The following CCAR1 variants were observed in gnomAD, a reference collection of about 807,000 sequenced individuals.
The protein encoded by CCAR1 is cell division cycle and apoptosis regulator 1.
Under a neutral mutation model 163.8 loss-of-function variants are expected in CCAR1, and 78 were observed. That is an observed-to-expected ratio of 0.48 (90% CI 0.40 to 0.57). The LOEUF is 0.57. CCAR1 is among the 20% of genes least tolerant of loss of function. The pLI, the probability that CCAR1 is intolerant of heterozygous loss-of-function variation, is 0.00. For synonymous variants in CCAR1, 443 were observed against 460.7 expected, an observed-to-expected ratio of 0.96 and a Z score of 0.49; for missense variants, 1,019 against 1,365.2, an observed-to-expected ratio of 0.75 and a Z score of 4.00.
chr10:68,737,104 A>G, intron 3 of CCAR1, 56 bp downstream of exon 3: 1 of 1,221,518 alleles, frequency 8.2e-7, no homozygotes, highest in Non-Finnish European at 1.2e-6. Flanking sequence ...AAATCTGAGT[A>G]GCTAGCATTG....
chr10:68,781,737 A>C (rs774324928), intron 19 of CCAR1, among the ~76,000 whole-genome samples: 7 of 151,812 alleles, frequency 4.6e-5, no homozygotes, highest in Non-Finnish European at 1.0e-4. Context: ...GTGGTCCCAG[A>C]TACTTTTAGA....
chr10:68,727,268 G>C (rs758810929), intron 2 of CCAR1, among the ~76,000 whole-genome samples: 3 of 151,634 alleles, frequency 2.0e-5, no homozygotes, highest in Non-Finnish European at 2.9e-5. Flanking sequence ...GTAAACATGG[G>C]GTTTTGCCAT....
intron 2 of CCAR1, among the ~76,000 whole-genome samples, chr10:68,728,094 C>T (rs2055974690): frequency 2.0e-5 from 3 of 152,140 alleles, no homozygotes; most frequent in Admixed American, 1.3e-4. Context: ...GCCTTGGCCT[C>T]CCAAAATGCT....
intron 24 of CCAR1, among the ~76,000 whole-genome samples, chr10:68,790,651 C>T (rs890244116): frequency 2.0e-5 from 3 of 151,980 alleles, no homozygotes; most frequent in Non-Finnish European, 2.9e-5. Context: ...ACCTCAGCCT[C>T]CTGATGAGCT....
intron 3 of CCAR1, among the ~76,000 whole-genome samples, chr10:68,737,321 G>A (rs1043803829): frequency 2.0e-5 from 3 of 151,912 alleles, no homozygotes; most frequent in Non-Finnish European, 2.9e-5. Flanking sequence ...CCTGTGCAAC[G>A]TGGTGAGACA....
intron 24 of CCAR1, among the ~76,000 whole-genome samples, chr10:68,790,630 G>A (rs1273108759): frequency 6.6e-6 from 1 of 151,868 alleles, no homozygotes; most frequent in Non-Finnish European, 1.5e-5. Flanking sequence ...CTAGGCTCAC[G>A]TGATCCTCCC....
chr10:68,730,390 T>G (rs966264430), intron 2 of CCAR1, among the ~76,000 whole-genome samples: 4 of 151,342 alleles, frequency 2.6e-5, no homozygotes, highest in African/African-American at 9.7e-5. Context: ...CAGGCTGGAG[T>G]GCAATGGCAG....
intron 2 of CCAR1, among the ~76,000 whole-genome samples, chr10:68,722,969 A>G (rs563474914): frequency 6.6e-6 from 1 of 152,130 alleles, no homozygotes; most frequent in Non-Finnish European, 1.5e-5. Flanking sequence ...TGATATTCTG[A>G]TATTGTAAAG....
At chr10:68,726,077 A>G (rs1166301454) in intron 2 of CCAR1, among the ~76,000 whole-genome samples, 5 of 150,758 alleles carry the variant, frequency 3.3e-5, no homozygotes, top group East Asian at 1.9e-4. Context: ...TAGTTCCGCC[A>G]TATTCCAGCC....
chr10:68,747,201 T>C lies in CCAR1; in HGVS notation c.559T>C (p.Leu187=), dbSNP rs1448126600. The part of the protein sequence containing the change: ...GKTPQVGDRV[L]VEATYNPNMP... ...AACCCCCCAAGTAGGTGACAGAGTA[T>C]TGGTTGAAGCTACTTATAATCCTAA... Residue 187 remains leucine (L), a synonymous_variant, in exon 7 of 25, where the codon TTG becomes CTG. Transcript: ENST00000265872. 6.2e-7 allele frequency: 1 copy of C among 1,609,710 alleles called. No homozygotes were observed. The highest frequency in any genetic ancestry group is 1.3e-5 in the African/African-American group (1 of 74,676).
At chr10:68,766,123 A>G (rs775235119) in intron 17 of CCAR1, 44 bp downstream of exon 17, 3 of 1,140,978 alleles carry the variant, frequency 2.6e-6, no homozygotes, top group Middle Eastern at 2.0e-4. Context: ...AGGTCCACAC[A>G]TTATGACTAG....
At chr10:68,725,175 A>G (rs1355349746) in intron 2 of CCAR1, among the ~76,000 whole-genome samples, 3 of 151,966 alleles carry the variant, frequency 2.0e-5, no homozygotes. Flanking sequence ...CAGTAAAAGA[A>G]CATTTACATT....
At chr10:68,784,467 G>C (rs2056772860) in intron 19 of CCAR1, among the ~76,000 whole-genome samples, 1 of 151,724 alleles carries the variant, frequency 6.6e-6, no homozygotes, top group Non-Finnish European at 1.5e-5. Context: ...TCTGCCTCGG[G>C]CTGCCAAAGT....
chr10:68,752,204 CA>C (rs2056341569), intron 10 of CCAR1, among the ~76,000 whole-genome samples: 1 of 152,056 alleles, frequency 6.6e-6, no homozygotes, highest in Non-Finnish European at 1.5e-5. Context: ...AGGCGTGAGC[CA>C]CCGCACCCGG....
chr10:68,737,869 C>T lies in CCAR1; in HGVS notation c.271C>T (p.Leu91=), dbSNP rs2056132533. The T allele has an allele frequency of 6.3e-7, 1 of 1,596,036 alleles. No homozygotes were observed. Among genetic ancestry groups the T allele is most frequent in the Non-Finnish European group, 8.5e-7 (1 of 1,173,884 alleles). ...GCAATATTCACAACCTCAGCAGGCC[C>T]TGTATAGTGTGCAACAACAGGTTAG... ...QQQYSQPQQA[L]YSVQQQLQQP... is the part of the protein sequence containing the mutation. Residue 91 remains leucine, a synonymous_variant, in exon 4 of 25, where the codon CTG becomes TTG. Transcript: ENST00000265872.
At chr10:68,745,556 C>G (rs191083684) in intron 6 of CCAR1, among the ~76,000 whole-genome samples, 1 of 151,250 alleles carries the variant, frequency 6.6e-6, no homozygotes, top group Non-Finnish European at 1.5e-5. Flanking sequence ...CTCTGCCTCC[C>G]GGGTTCAAAC....
In CCAR1 at chr10:68,750,921, A is replaced by G. The variant is rs559709411; in HGVS notation, c.1118+1236A>G. 2.6e-5 allele frequency among the ~76,000 whole-genome samples: 4 copies of G among 152,274 alleles called. No individual in the cohort carries two copies. In the East Asian group the frequency reaches 7.7e-4, roughly 29 times the overall value. The stretch of plus-strand genomic sequence containing the variant: ...TAACCCAGTGAATTTTAGTCAAGCT[A>G]CTTAATGCCAAGAAAATTTTGCTTG... On this transcript the variant is annotated intron_variant, in intron 10 of 24. Transcript: ENST00000265872.
chr10:68,772,017 C>T (rs2056610228), intron 18 of CCAR1, among the ~76,000 whole-genome samples: 6 of 151,852 alleles, frequency 4.0e-5, no homozygotes, highest in Admixed American at 3.3e-4. Context: ...ACTACAGGTG[C>T]ACACCACCTT....
chr10:68,743,687 C>T (rs1243817656), intron 6 of CCAR1, among the ~76,000 whole-genome samples: 3 of 151,392 alleles, frequency 2.0e-5, no homozygotes, highest in Admixed American at 6.6e-5. Context: ...GGACAACAGA[C>T]GTGTGCCACC....
Sources: allele counts gnomAD v4.1 joint callset (sites outside exome capture counted in the v4.1 genomes callset), GRCh38; gene constraint gnomAD v4.1.1; transcripts MANE v1.5; gene names NCBI Gene and HGNC (gene_info 2026-07-23, HGNC 2026-07-21).